Variants in ACYP2 observed in about 807,000 individuals in gnomAD.
The protein encoded by ACYP2 is acylphosphatase-2.
ACYP2 carries 12 observed loss-of-function variants against 11.2 expected under a neutral mutation model. The observed-to-expected ratio is 1.08, with a 90% CI of 0.69 to 1.74. The LOEUF (loss-of-function observed/expected upper bound fraction) is 1.74. ACYP2 is among the 40% of genes most tolerant of loss of function. The pLI is 0.00. For synonymous variants in ACYP2, 43 were observed against 32.2 expected (o/e 1.33, Z -1.13); for missense variants, 134 against 101.9 (o/e 1.31, Z -1.35).
intron 2 of ACYP2, among the ~76,000 whole-genome samples, chr2:54,049,772 C>A (rs1675733810): frequency 6.6e-6 from 1 of 152,162 alleles, no homozygotes; most frequent in African/African-American, 2.4e-5. Context: ...CCAGCTTTGG[C>A]CATTGGGAGC....
intron 2 of ACYP2, among the ~76,000 whole-genome samples, chr2:53,985,405 G>A (rs1671985007): frequency 6.6e-6 from 1 of 152,014 alleles, no homozygotes; most frequent in Admixed American, 6.6e-5. Context: ...TCCATCTCAG[G>A]TCAAAAGGGG....
intron 4 of ACYP2, among the ~76,000 whole-genome samples, chr2:54,108,242 TAATTGC>T (rs1221734453): frequency 6.6e-6 from 1 of 152,210 alleles, no homozygotes; most frequent in Non-Finnish European, 1.5e-5. Flanking sequence ...TGAGGAATCT[TAATTGC>T]AAGAATGTCC....
At chr2:54,231,271 T>C (rs1231733288) in intron 6 of ACYP2, among the ~76,000 whole-genome samples, 1 of 152,216 alleles carries the variant, frequency 6.6e-6, no homozygotes, top group Admixed American at 6.5e-5. Flanking sequence ...TGGTCACTCA[T>C]ATTTGGCTCA....
rs142391470 is a variant in ACYP2, at chr2:54,124,982, G to A, written c.278-10471G>A. Among the ~76,000 whole-genome samples the A allele has an allele frequency of 1.8e-4, 27 of 152,166 alleles. No homozygotes were observed. The East Asian group carries it at 5.0e-3, about 28-fold the overall frequency. On this transcript the variant is annotated intron_variant, in intron 4 of 6. Transcript: ENST00000607452. Reference sequence around the variant, plus strand: ...TTGCCCAGGCTGGTCTTGAACTCTGGACTCAAGCAATTCATCTGCCTTGTC... The same window carrying A: ...TTGCCCAGGCTGGTCTTGAACTCTGAACTCAAGCAATTCATCTGCCTTGTC...
chr2:54,038,774 G>A (rs1482522929), intron 2 of ACYP2, among the ~76,000 whole-genome samples: 1 of 126,728 alleles, frequency 7.9e-6, no homozygotes, highest in Non-Finnish European at 1.6e-5. Flanking sequence ...CCTTTTTGGA[G>A]CTCACATTTT....
chr2:54,264,083 G>A (rs1009965614), intron 6 of ACYP2, among the ~76,000 whole-genome samples: 10 of 152,128 alleles, frequency 6.6e-5, no homozygotes, highest in African/African-American at 1.7e-4. Flanking sequence ...ACGGACCCTC[G>A]CGATGAGTGT....
chr2:54,238,451 TAAAG>T (rs2103979635), intron 6 of ACYP2, among the ~76,000 whole-genome samples: 1 of 152,264 alleles, frequency 6.6e-6, no homozygotes, highest in East Asian at 1.9e-4. Context: ...CTACAGGAAG[TAAAG>T]AAAGTGGAGA....
At chr2:54,135,391 G>T in intron 4 of ACYP2, 62 bp from the exon 2 acceptor site, 6 of 1,523,370 alleles carry the variant, frequency 3.9e-6, no homozygotes, top group Non-Finnish European at 5.4e-6. Flanking sequence ...GTTAAGTCAG[G>T]AAACATATAA....
intron 1 of ACYP2, among the ~76,000 whole-genome samples, chr2:53,971,599 C>T (rs1329420872): frequency 1.3e-5 from 2 of 152,142 alleles, no homozygotes; most frequent in East Asian, 3.9e-4. Context: ...GAAAGTTTAA[C>T]CTGGTTTCCG....
intron 2 of ACYP2, chr2:54,030,480 G>A: frequency 6.4e-6 from 1 of 156,672 alleles, no homozygotes; most frequent in South Asian, 1.9e-4. Flanking sequence ...TTAAGGCAGT[G>A]CTATGGAAAC....
intron 4 of ACYP2, among the ~76,000 whole-genome samples, chr2:54,096,263 T>G (rs1410385080): frequency 2.9e-4 from 40 of 137,256 alleles, no homozygotes; most frequent in East Asian, 1.4e-3. Context: ...GCTCCCCACA[T>G]CTCAGACGAT....
At chr2:54,177,533 G>C (rs1421036254) in intron 6 of ACYP2, among the ~76,000 whole-genome samples, 1 of 145,128 alleles carries the variant, frequency 6.9e-6, no homozygotes, top group Non-Finnish European at 1.5e-5. Context: ...CTCCGTTTGA[G>C]TATGCCATCT....
intron 4 of ACYP2, among the ~76,000 whole-genome samples, chr2:54,060,300 C>T (rs1250165640): frequency 6.6e-6 from 1 of 151,726 alleles, no homozygotes; most frequent in East Asian, 1.9e-4. Flanking sequence ...TTTCTAGATT[C>T]GTTTGCTTTT....
intron 2 of ACYP2, among the ~76,000 whole-genome samples, chr2:54,047,713 A>C (rs1675600791): frequency 6.6e-6 from 1 of 152,238 alleles, no homozygotes; most frequent in African/African-American, 2.4e-5. Flanking sequence ...AGTCTTTGTC[A>C]GTACTTGTTC....
intron 3 of ACYP2, chr2:54,051,374 A>G (rs2103617816): frequency 1.3e-6 from 1 of 754,696 alleles, no homozygotes; most frequent in African/African-American, 1.7e-5. Context: ...TCTGCTAAAG[A>G]GAAAAGTGAA....
At chr2:54,016,775 G>T (rs938168270) in intron 2 of ACYP2, among the ~76,000 whole-genome samples, 1 of 149,784 alleles carries the variant, frequency 6.7e-6, no homozygotes, top group Non-Finnish European at 1.5e-5. Flanking sequence ...GCTCAGGCTG[G>T]AGTGCAGTGG....
intron 6 of ACYP2, among the ~76,000 whole-genome samples, chr2:54,291,382 C>CA (rs1031432827): frequency 4.0e-5 from 6 of 151,696 alleles, no homozygotes; most frequent in East Asian, 1.9e-4. Context: ...TACAGACCGG[C>CA]AAAAAAAATC....
At chr2:54,195,861 G>A (rs981650006) in intron 6 of ACYP2, among the ~76,000 whole-genome samples, 2 of 132,282 alleles carry the variant, frequency 1.5e-5, no homozygotes, top group African/African-American at 2.9e-5. Context: ...GCAATGGCGC[G>A]ATCTTGGCTC....
chr2:54,302,721 C>A (rs905748444), intron 6 of ACYP2, among the ~76,000 whole-genome samples: 3 of 152,156 alleles, frequency 2.0e-5, no homozygotes, highest in Admixed American at 6.5e-5. Flanking sequence ...CCCCTTCCCC[C>A]AAAATCTGCT....
Sources: gnomAD v4.1 joint callset for allele counts (sites outside exome capture counted in the v4.1 genomes callset) on GRCh38, gnomAD v4.1.1 for gene constraint, MANE v1.5 for transcripts, NCBI Gene and HGNC (gene_info 2026-07-23, HGNC 2026-07-21) for gene names.